SHROOM4: variants seen among roughly 807,000 people sequenced by gnomAD.
SHROOM4 encodes the protein protein Shroom4.
Under a neutral mutation model 80.3 loss-of-function variants are expected in SHROOM4, and 17 were observed. That is an observed-to-expected ratio of 0.21 (90% CI 0.14 to 0.32). The LOEUF (loss-of-function observed/expected upper bound fraction) is 0.32, where lower values mean the gene tolerates loss of function less well. Ranked by LOEUF, SHROOM4 falls within the 10% of genes least tolerant of loss-of-function variation. SHROOM4 has a pLI of 1.00. For synonymous variants in SHROOM4, 400 were observed against 437.5 expected (o/e 0.91, Z 1.07); for missense variants, 993 against 1,140.3 (o/e 0.87, Z 1.86).
At chrX:50,713,179 G>T (rs1330284201) in intron 1 of SHROOM4, among the ~76,000 whole-genome samples, 3 of 111,534 alleles carry the variant, frequency 2.7e-5, no homozygotes, top group African/African-American at 9.8e-5. Flanking sequence ...ATGTAGCACA[G>T]GAAATCATGC....
chrX:50,802,740 C>T (rs1936152276), intron 1 of SHROOM4, among the ~76,000 whole-genome samples: 1 of 111,381 alleles, frequency 9.0e-6, no homozygotes. Flanking sequence ...AGACTAGGTG[C>T]CTTATTCTTA....
intron 1 of SHROOM4, among the ~76,000 whole-genome samples, chrX:50,791,723 GA>G (rs1294805787): frequency 6.7e-5 from 7 of 104,900 alleles, no homozygotes; most frequent in Admixed American, 6.2e-4. Flanking sequence ...ACAGAAATAG[GA>G]AAAAAAAATC....
At chrX:50,723,763 G>A (rs1398863170) in intron 1 of SHROOM4, among the ~76,000 whole-genome samples, 2 of 110,644 alleles carry the variant, frequency 1.8e-5, no homozygotes, top group African/African-American at 6.6e-5. Flanking sequence ...TCTTTTCAAG[G>A]GCCTGTATCC....
chrX:50,602,616 A>C lies in SHROOM4; in HGVS notation c.3942+17T>G. On this transcript the variant is annotated intron_variant, in intron 7 of 8. Transcript: ENST00000376020. ...GCTAAATTCTGAAAATCTCTAGGAC[A>C]CATCAAAAAACTTTACCTTTTTTTG... 5.0e-6 allele frequency: 6 copies of C among 1,207,871 alleles called. No individual in the cohort carries two copies. The highest frequency in any genetic ancestry group is 5.6e-6 in the Non-Finnish European group (5 of 892,214).
At chrX:50,708,895 T>G (rs1251493660) in intron 1 of SHROOM4, among the ~76,000 whole-genome samples, 5 of 111,649 alleles carry the variant, frequency 4.5e-5, no homozygotes, top group Non-Finnish European at 9.4e-5. Flanking sequence ...GAAACTGACA[T>G]TGCAACGAGA....
chrX:50,792,823 C>T (rs1347841388), intron 1 of SHROOM4, among the ~76,000 whole-genome samples: 5 of 105,377 alleles, frequency 4.7e-5, no homozygotes, highest in African/African-American at 1.4e-4. Flanking sequence ...GTGTTGGATA[C>T]GGAGAAACTG....
intron 1 of SHROOM4, among the ~76,000 whole-genome samples, chrX:50,718,157 C>G (rs924025362): frequency 1.8e-5 from 2 of 111,725 alleles, no homozygotes; most frequent in African/African-American, 6.5e-5. Flanking sequence ...AGCCACTTGT[C>G]CCTACTCTCA....
At position 50,635,119 on chromosome X, in the gene SHROOM4, G is replaced by C; in HGVS notation, c.954C>G (p.Pro318=). 1 of 1,211,102 alleles carries C rather than the reference G, an allele frequency of 8.3e-7. No individual in the cohort carries two copies. The highest frequency in any genetic ancestry group is 1.1e-6 in the Non-Finnish European group (1 of 895,171). The change falls in exon 4 of 9, where the codon CCC becomes CCG. Residue 318 remains proline (P), a synonymous_variant. Transcript: ENST00000376020. ...KEKLSLEPVL[P]ARNPNRFCCL... Reference sequence around the variant, plus strand: ...AACAGAACCTATTAGGGTTCCTTGCGGGTAGCACAGGCTCTAAGCTCAGTT... The same window carrying C: ...AACAGAACCTATTAGGGTTCCTTGCCGGTAGCACAGGCTCTAAGCTCAGTT...
At chrX:50,792,792 A>AT (rs1322007665) in intron 1 of SHROOM4, among the ~76,000 whole-genome samples, 1 of 106,977 alleles carries the variant, frequency 9.3e-6, no homozygotes, top group African/African-American at 3.4e-5. Context: ...TAGGATGGCC[A>AT]TTTTTTTTGA....
chrX:50,778,675 A>G (rs938945070), intron 1 of SHROOM4, among the ~76,000 whole-genome samples: 23 of 112,493 alleles, frequency 2.0e-4, no homozygotes, highest in Non-Finnish European at 2.3e-4. Flanking sequence ...GTATTAACTT[A>G]AATCTTCCTC....
At chrX:50,767,427 T>C (rs1935301093) in intron 1 of SHROOM4, among the ~76,000 whole-genome samples, 1 of 110,895 alleles carries the variant, frequency 9.0e-6, no homozygotes, top group South Asian at 3.8e-4. Flanking sequence ...CTGTGTCTAT[T>C]TCTAGAGTAA....
chrX:50,812,572 A>G (rs1936359138), intron 1 of SHROOM4, among the ~76,000 whole-genome samples: 1 of 110,748 alleles, frequency 9.0e-6, no homozygotes, highest in African/African-American at 3.3e-5. Context: ...TGGTACACCC[A>G]TGGCAACACT....
intron 1 of SHROOM4, among the ~76,000 whole-genome samples, chrX:50,716,643 GCAATTAACTGAGTGT>G (rs1834848017): frequency 8.9e-6 from 1 of 111,804 alleles, no homozygotes; most frequent in Admixed American, 9.5e-5. Context: ...TTGGCTTGGA[GCAATTAACTGAGTGT>G]CCAAGGCCAC....
intron 2 of SHROOM4, among the ~76,000 whole-genome samples, chrX:50,656,085 GGCCCA>G (rs1388739549): frequency 6.8e-4 from 75 of 110,988 alleles, no homozygotes; most frequent in Non-Finnish European, 1.2e-3. Flanking sequence ...TCAGATCTTT[GGCCCA>G]TTTTGTAATC....
At chrX:50,803,438 T>C (rs1347489838) in intron 1 of SHROOM4, among the ~76,000 whole-genome samples, 1 of 112,028 alleles carries the variant, frequency 8.9e-6, no homozygotes, top group Non-Finnish European at 1.9e-5. Context: ...CAACACACTG[T>C]GGAGTGAACA....
chrX:50,779,713 T>C (rs1935583022), intron 1 of SHROOM4, among the ~76,000 whole-genome samples: 1 of 111,894 alleles, frequency 8.9e-6, no homozygotes, highest in South Asian at 3.7e-4. Context: ...CCAACACTCC[T>C]CTCCTGGACA....
At chrX:50,618,303 CCTTCCTTCCT>C (rs1930364602) in intron 5 of SHROOM4, among the ~76,000 whole-genome samples, 2 of 240 alleles carry the variant, frequency 8.3e-3, no homozygotes, top group South Asian at 0.25. Context: ...TTCCTTCCTT[CCTTCCTTCCT>C]TCCTTCCTTC....
In SHROOM4 at chrX:50,638,327, A is replaced by G; in HGVS notation, c.270-19T>C. ...GTTCCTCCTACAGCAAGAAAGGGAC[A>G]GGAAGTGGGCTGAAGGAACCAGAGC... is the stretch of plus-strand genomic sequence containing the variant. On this transcript the variant is annotated intron_variant, in intron 2 of 8. Coordinates refer to ENST00000376020, the MANE Select transcript of SHROOM4 (RefSeq NM_020717.5). The G allele has an allele frequency of 8.3e-7, 1 of 1,211,537 alleles. No individual in the cohort carries two copies. Among genetic ancestry groups the G allele is most frequent in the South Asian group, 1.8e-5 (1 of 56,890 alleles).
intron 2 of SHROOM4, among the ~76,000 whole-genome samples, chrX:50,655,032 CAT>C (rs1164968743): frequency 9.4e-6 from 1 of 106,909 alleles, no homozygotes; most frequent in East Asian, 2.9e-4. Context: ...GGGAGCTAAA[CAT>C]GTGGTATTTG....
Sources: allele counts gnomAD v4.1 joint callset (sites outside exome capture counted in the v4.1 genomes callset), GRCh38; gene constraint gnomAD v4.1.1; transcripts MANE v1.5; gene names NCBI Gene and HGNC (gene_info 2026-07-23, HGNC 2026-07-21).